CPEB1: variants seen among roughly 807,000 people sequenced by gnomAD.
The protein encoded by CPEB1 is cytoplasmic polyadenylation element-binding protein 1.
In CPEB1, 7 loss-of-function variants were observed where a neutral mutation model predicts 65.8. The observed-to-expected ratio is 0.11, with a 90% CI of 0.06 to 0.20. The LOEUF is 0.20. Among genes scored for constraint, CPEB1 ranks in the 10% least tolerant of loss-of-function variants. The pLI is 1.00. For synonymous variants in CPEB1, 262 were observed against 260.0 expected (o/e 1.01, Z -0.08); for missense variants, 551 against 712.2 (o/e 0.77, Z 2.58).
At chr15:82,579,858 G>T (rs1222174232) in intron 3 of CPEB1, among the ~76,000 whole-genome samples, 3 of 129,684 alleles carry the variant, frequency 2.3e-5, no homozygotes, top group Non-Finnish European at 4.7e-5. Context: ...CTTGCAGTGA[G>T]CCGACATTGC....
chr15:82,578,442 G>A (rs142686778), intron 3 of CPEB1, among the ~76,000 whole-genome samples: 1 of 152,152 alleles, frequency 6.6e-6, no homozygotes, highest in African/African-American at 2.4e-5. Flanking sequence ...ACAAACCTAT[G>A]GAAACAAAAT....
At chr15:82,569,209 C>T (rs990440645) in intron 4 of CPEB1, among the ~76,000 whole-genome samples, 1 of 152,178 alleles carries the variant, frequency 6.6e-6, no homozygotes, top group Admixed American at 6.5e-5. Context: ...GGTGGGAGGG[C>T]TGCATCCTAC....
chr15:82,571,301 C>T, intron 4 of CPEB1, 43 bp downstream of exon 4: 7 of 1,581,994 alleles, frequency 4.4e-6, no homozygotes, highest in Non-Finnish European at 5.2e-6. Context: ...TCACCACCCC[C>T]ATGCATCCCC....
chr15:82,571,746 A>T (rs1166108436), intron 3 of CPEB1: 1 of 1,387,154 alleles, frequency 7.2e-7, no homozygotes, highest in East Asian at 2.7e-5. Flanking sequence ...ACACACCCCT[A>T]TCCCGTCTGC....
At position 82,638,038 on chromosome 15, in the gene CPEB1, C is replaced by T. The variant is rs191429595; in HGVS notation, c.-98+9099G>A. ...TAGTATCTGGTTTAATATAAGATAGCGGGATTTTCTGGTCTGTTTCTGTAT... is the reference window on the plus strand; with the variant it reads ...TAGTATCTGGTTTAATATAAGATAGTGGGATTTTCTGGTCTGTTTCTGTAT... On this transcript the variant is annotated intron_variant, in intron 1 of 12. Transcript: ENST00000684509. 10 of 441,994 alleles carry T rather than the reference C, an allele frequency of 2.3e-5. 1 individual carries two copies. The highest frequency in any genetic ancestry group is 1.4e-4 in the East Asian group (2 of 14,244). The allele number at this position is 441,994 out of a possible 1,614,324, so 27.4% of individuals were successfully genotyped here. A position where few individuals can be genotyped will look rare whatever the true frequency, so the allele number is the denominator to read the frequency against.
intron 4 of CPEB1, among the ~76,000 whole-genome samples, chr15:82,566,829 T>C (rs1340911101): frequency 6.6e-6 from 1 of 152,100 alleles, no homozygotes; most frequent in East Asian, 1.9e-4. Context: ...ATACAGCTCA[T>C]GCTCCACTGT....
chr15:82,572,989 G>A, intron 3 of CPEB1: 1 of 1,512,094 alleles, frequency 6.6e-7, no homozygotes, highest in East Asian at 2.5e-5. Context: ...AACAGGCCCA[G>A]ACTCACCAGG....
At chr15:82,640,904 GAA>G (rs79528521) in intron 1 of CPEB1, 3 of 131,452 alleles carry the variant, frequency 2.3e-5, no homozygotes, top group African/African-American at 5.5e-5. Flanking sequence ...ATCAGATAAG[GAA>G]AAAAAAAAAA....
rs746561728 is a variant in CPEB1, at chr15:82,553,569, A to G, written c.1055-13T>C. The G allele has an allele frequency of 3.2e-6, 5 of 1,587,210 alleles. No homozygotes were observed. The East Asian group carries it at 8.9e-5, about 28-fold the overall frequency. On this transcript the variant is annotated splice_polypyrimidine_tract_variant and intron_variant, in intron 7 of 12. Transcript: ENST00000684509. ...TTAACTAATCCAGCTGCAAAGAGAC[A>G]GAAAAGAATGGCAGAAGCTGAGGAA... is the stretch of plus-strand genomic sequence containing the variant.
rs906841641 is a variant in CPEB1 at position 82,553,797 on chromosome 15, T to G, written c.1054+81A>C. On this transcript the variant is annotated intron_variant, in intron 7 of 12. Coordinates refer to ENST00000684509, the MANE Select transcript of CPEB1 (RefSeq NM_001365242.1). Reference sequence around the variant, plus strand: ...GAGCTCAGGCAGGGCATTCAGCCCCTGGCCTCAATTCCAAGTTTCATGCTC... The same window carrying G: ...GAGCTCAGGCAGGGCATTCAGCCCCGGGCCTCAATTCCAAGTTTCATGCTC... The G allele has an allele frequency of 3.2e-5, 33 of 1,021,526 alleles. No individual in the cohort carries two copies. In the Admixed American group the frequency reaches 6.1e-4, roughly 19 times the overall value. The allele number at this position is 1,021,526 out of a possible 1,614,324, so 63.3% of individuals were successfully genotyped here. A position where few individuals can be genotyped will look rare whatever the true frequency, so the allele number is the denominator to read the frequency against.
At chr15:82,622,902 C>T (rs1252567335) in intron 3 of CPEB1, among the ~76,000 whole-genome samples, 1 of 152,204 alleles carries the variant, frequency 6.6e-6, no homozygotes, top group Non-Finnish European at 1.5e-5. Flanking sequence ...ACTTCAAATG[C>T]TACCCCCCTC....
At chr15:82,552,758 T>C (rs2036505264) in intron 8 of CPEB1, 142 bp from the exon 9 acceptor site, 3 of 911,596 alleles carry the variant, frequency 3.3e-6, no homozygotes, top group East Asian at 5.0e-5. Flanking sequence ...AAAAGTCGTG[T>C]TGAGTGGAAG....
upstream of CPEB1, chr15:82,647,579 C>T (rs1021165596): frequency 4.4e-5 from 14 of 317,384 alleles, no homozygotes; most frequent in African/African-American, 3.1e-4. Context: ...CGCCTGGAGG[C>T]CGCAGTGCGG....
At chr15:82,611,142 G>T (rs2044118706) in intron 3 of CPEB1, among the ~76,000 whole-genome samples, 1 of 151,568 alleles carries the variant, frequency 6.6e-6, no homozygotes, top group Admixed American at 6.6e-5. Flanking sequence ...GAAGGAAAAT[G>T]AAACAAAAGG....
chr15:82,630,073 G>C (rs889560433), intron 1 of CPEB1: 1 of 985,250 alleles, frequency 1.0e-6, no homozygotes, highest in Non-Finnish European at 1.2e-6. Context: ...CTCAATTTCA[G>C]GAAGGCAACT....
chr15:82,552,979 C>T (rs1217396629), intron 8 of CPEB1, among the ~76,000 whole-genome samples: 1 of 152,120 alleles, frequency 6.6e-6, no homozygotes, highest in Non-Finnish European at 1.5e-5. Flanking sequence ...TAGTTCAGTT[C>T]AATGAAGATG....
chr15:82,644,560 A>T (rs890591403), intron 1 of CPEB1, among the ~76,000 whole-genome samples: 5 of 152,192 alleles, frequency 3.3e-5, no homozygotes, highest in Admixed American at 6.5e-5. Flanking sequence ...TTTTAATGCT[A>T]CATTTAAAAG....
chr15:82,578,899 C>T (rs1419893340), intron 3 of CPEB1, among the ~76,000 whole-genome samples: 1 of 152,204 alleles, frequency 6.6e-6, no homozygotes, highest in Admixed American at 6.5e-5. Context: ...TCTTGGCTTA[C>T]TACAACCTCC....
intron 3 of CPEB1, among the ~76,000 whole-genome samples, chr15:82,626,832 T>C (rs1332118142): frequency 6.6e-6 from 1 of 152,214 alleles, no homozygotes; most frequent in Admixed American, 6.5e-5. Context: ...CATATTATAA[T>C]ATATTGGGTT....
Sources: allele counts gnomAD v4.1 joint callset (sites outside exome capture counted in the v4.1 genomes callset), GRCh38; gene constraint gnomAD v4.1.1; transcripts MANE v1.5; gene names NCBI Gene and HGNC (gene_info 2026-07-23, HGNC 2026-07-21).